The following SLC45A4 variants were observed in gnomAD, a reference collection of about 807,000 sequenced individuals.
SLC45A4 encodes polyamine-transporter SLC45A4.
A neutral mutation model predicts 63.7 loss-of-function variants in SLC45A4; 32 were observed. The ratio of observed to expected loss-of-function variants is 0.50; its 90% CI spans 0.38 to 0.67. SLC45A4 has a LOEUF of 0.67. Ranked by LOEUF, SLC45A4 falls within the 30% of genes least tolerant of loss-of-function variation. The pLI, the probability that SLC45A4 is intolerant of heterozygous loss-of-function variation, is 0.00. For synonymous variants in SLC45A4, 535 were observed against 510.0 expected (o/e 1.05, Z -0.66); for missense variants, 1,027 against 1,157.7 (o/e 0.89, Z 1.64).
intron 1 of SLC45A4, among the ~76,000 whole-genome samples, chr8:141,281,742 T>C (rs1433683202): frequency 6.6e-6 from 1 of 152,180 alleles, no homozygotes; most frequent in Non-Finnish European, 1.5e-5. Context: ...TTTCAATGGC[T>C]CAAAAGAATA....
chr8:141,235,778 T>C (rs1024225347), intron 2 of SLC45A4, among the ~76,000 whole-genome samples: 2 of 152,190 alleles, frequency 1.3e-5, no homozygotes, highest in Admixed American at 1.3e-4. Context: ...GTTCAAAAAG[T>C]TAAATAAACA....
intron 1 of SLC45A4, among the ~76,000 whole-genome samples, chr8:141,284,666 T>C (rs1830074541): frequency 1.3e-5 from 2 of 152,176 alleles, no homozygotes; most frequent in Non-Finnish European, 1.5e-5. Context: ...GTTTGGCCAG[T>C]GGCCCCAAGT....
chr8:141,254,391 A>C lies in SLC45A4; in HGVS notation c.-162T>G. 3.8e-6 allele frequency: 3 copies of C among 791,496 alleles called. No homozygotes were observed. The South Asian group carries it at 5.4e-5, about 14-fold the overall frequency. The allele number at this position is 791,496 out of a possible 1,614,324, so 49.0% of individuals were successfully genotyped here. On this transcript the variant is annotated 5_prime_UTR_variant, in exon 2 of 9. Transcript: ENST00000517878. The surrounding 1 kb of genome is among the most constrained non-coding windows in gnomAD (Gnocchi z 4.5). ...TCTTTGCACAAGTGGCTATCTCACA[A>C]CTTCTCACAACGGTATGAGACATGC...
chr8:141,293,197 G>C (rs970944001), intron 1 of SLC45A4, among the ~76,000 whole-genome samples: 2 of 152,362 alleles, frequency 1.3e-5, no homozygotes, highest in East Asian at 3.9e-4. Context: ...GCTCACACCT[G>C]TAATCCCAGC....
chr8:141,212,744 G>A (rs1324752533), intron 7 of SLC45A4, among the ~76,000 whole-genome samples, 188 bp from the exon 8 acceptor site: 1 of 152,200 alleles, frequency 6.6e-6, no homozygotes, highest in Non-Finnish European at 1.5e-5. Flanking sequence ...AGGCGGAAGA[G>A]GTGGGAAGTT....
chr8:141,269,146 T>C (rs1450906202), intron 1 of SLC45A4, among the ~76,000 whole-genome samples: 1 of 152,184 alleles, frequency 6.6e-6, no homozygotes, highest in African/African-American at 2.4e-5. Context: ...ACCCGACAGC[T>C]CCAGGCTGCG....
chr8:141,271,518 C>A (rs1199694534), intron 1 of SLC45A4, among the ~76,000 whole-genome samples: 2 of 152,170 alleles, frequency 1.3e-5, no homozygotes, highest in Non-Finnish European at 2.9e-5. Context: ...GGTGCCAAGC[C>A]CCTACCTCGA....
rs3072057 is a variant in SLC45A4, at chr8:141,258,060, C to CTT, written c.-400-3433_-400-3432dup. On this transcript the variant is annotated intron_variant, in intron 1 of 8. Coordinates refer to ENST00000517878, the MANE Select transcript of SLC45A4 (RefSeq NM_001286646.2). ...CATTCTCCTTTTTTGTTTCTTCTTC[C>CTT]TTTTTTTTTTTTTTTTTTTTTTAAC... Among the ~76,000 whole-genome samples the CTT allele has an allele frequency of 2.5e-4, 31 of 123,286 alleles. 1 individual carries two copies. The highest frequency in any genetic ancestry group is 8.2e-4 in the African/African-American group (26 of 31,776). The allele number at this position is 123,286 out of a possible 152,430, so 80.9% of individuals were successfully genotyped here.
chr8:141,295,467 T>C (rs947077858), intron 1 of SLC45A4, among the ~76,000 whole-genome samples: 3 of 152,182 alleles, frequency 2.0e-5, no homozygotes, highest in Non-Finnish European at 2.9e-5. Flanking sequence ...GCTATTAACA[T>C]TGAAAGTTTA....
intron 2 of SLC45A4, among the ~76,000 whole-genome samples, chr8:141,252,884 T>A (rs74440804): frequency 1.1e-5 from 1 of 88,688 alleles, no homozygotes; most frequent in Non-Finnish European, 2.2e-5. Flanking sequence ...TGTTTTCATA[T>A]CCACCTGTGT....
At chr8:141,302,582 T>G (rs1830782611) in intron 1 of SLC45A4, among the ~76,000 whole-genome samples, 1 of 152,222 alleles carries the variant, frequency 6.6e-6, no homozygotes, top group Non-Finnish European at 1.5e-5. Flanking sequence ...TCCACTCACC[T>G]TGGCCTCCCA....
intron 1 of SLC45A4, among the ~76,000 whole-genome samples, chr8:141,263,787 A>AAAAAAAAT (rs1563657435): frequency 2.8e-5 from 4 of 143,852 alleles, no homozygotes; most frequent in Non-Finnish European, 6.0e-5. Context: ...AAAAAAATAA[A>AAAAAAAAT]AATAATAATA....
At chr8:141,258,568 T>A (rs1828910506) in intron 1 of SLC45A4, among the ~76,000 whole-genome samples, 1 of 152,154 alleles carries the variant, frequency 6.6e-6, no homozygotes, top group Non-Finnish European at 1.5e-5. Context: ...TAAAGACTCA[T>A]TCAGCCTGTG....
chr8:141,253,860 G>A (rs777892052), intron 2 of SLC45A4, 129 bp downstream of exon 2: 52 of 1,400,976 alleles, frequency 3.7e-5, no homozygotes, highest in East Asian at 1.5e-4. Context: ...GAAGGGAGAG[G>A]AGACAAAGAC....
chr8:141,274,189 A>T (rs1276303713), intron 1 of SLC45A4, among the ~76,000 whole-genome samples: 1 of 151,722 alleles, frequency 6.6e-6, no homozygotes, highest in Non-Finnish European at 1.5e-5. Context: ...AGATCACGCC[A>T]CTGCGCTCCA....
intron 1 of SLC45A4, among the ~76,000 whole-genome samples, chr8:141,260,806 G>A (rs994384469): frequency 1.3e-5 from 2 of 152,168 alleles, no homozygotes; most frequent in Admixed American, 6.5e-5. Context: ...ACAAGGAGGA[G>A]CTGGTACCAT....
intron 2 of SLC45A4, among the ~76,000 whole-genome samples, chr8:141,232,970 G>A (rs1050727400): frequency 6.6e-6 from 1 of 152,244 alleles, no homozygotes. Flanking sequence ...TCGCTGAACA[G>A]GAGTGGAGAG....
chr8:141,279,130 T>G (rs1458715262), intron 1 of SLC45A4, among the ~76,000 whole-genome samples: 2 of 152,164 alleles, frequency 1.3e-5, no homozygotes, highest in Non-Finnish European at 2.9e-5. Flanking sequence ...CTGGTTCTCC[T>G]CTCACCTCCT....
intron 2 of SLC45A4, among the ~76,000 whole-genome samples, chr8:141,248,528 C>A (rs1828320569): frequency 6.6e-6 from 1 of 151,886 alleles, no homozygotes; most frequent in African/African-American, 2.4e-5. Flanking sequence ...TGTGATCACA[C>A]CACTGCATTT....
Sources: gnomAD v4.1 joint callset for allele counts (sites outside exome capture counted in the v4.1 genomes callset) on GRCh38, gnomAD v4.1.1 for gene constraint, Gnocchi (gnomAD v3.1) non-coding constraint, MANE v1.5 for transcripts, NCBI Gene and HGNC (gene_info 2026-07-23, HGNC 2026-07-21) for gene names.